The following GLT1D1 variants were observed in gnomAD, a reference collection of about 807,000 sequenced individuals.
GLT1D1 encodes glycosyltransferase 1 domain-containing protein 1.
In GLT1D1, 21 loss-of-function variants were observed where a neutral mutation model predicts 28.7. That is an observed-to-expected ratio of 0.73 (90% CI 0.52 to 1.05). The LOEUF (loss-of-function observed/expected upper bound fraction) is 1.05, where lower values mean the gene tolerates loss of function less well. Ranked by LOEUF, GLT1D1 falls within the 50% of genes least tolerant of loss-of-function variation. The pLI, the probability that GLT1D1 is intolerant of heterozygous loss-of-function variation, is 0.00. For synonymous variants in GLT1D1, 147 were observed against 124.8 expected (o/e 1.18, Z -1.19); for missense variants, 343 against 330.6 (o/e 1.04, Z -0.29).
At chr12:128,929,403 T>G (rs987449006) in intron 4 of GLT1D1, among the ~76,000 whole-genome samples, 2 of 152,180 alleles carry the variant, frequency 1.3e-5, no homozygotes, top group African/African-American at 4.8e-5. Flanking sequence ...CCAGATGGGG[T>G]GTACCATTGG....
At chr12:128,920,967 T>C (rs138160152) in intron 4 of GLT1D1, among the ~76,000 whole-genome samples, 13 of 152,360 alleles carry the variant, frequency 8.5e-5, no homozygotes, top group Non-Finnish European at 1.5e-4. Flanking sequence ...CCTTATTTAA[T>C]AGTTCTTTGT....
At chr12:128,870,570 C>T (rs1426050367) in intron 1 of GLT1D1, among the ~76,000 whole-genome samples, 3 of 152,034 alleles carry the variant, frequency 2.0e-5, no homozygotes, top group Non-Finnish European at 4.4e-5. Context: ...GAACATAGAT[C>T]GATTTAAAGG....
At chr12:128,899,048 A>G (rs973742582) in intron 3 of GLT1D1, among the ~76,000 whole-genome samples, 188 bp from the exon 4 acceptor site, 5 of 152,248 alleles carry the variant, frequency 3.3e-5, no homozygotes, top group Admixed American at 1.3e-4. Context: ...CTTCTTGCAT[A>G]TAAAACTTTT....
rs1880609158 is a variant in GLT1D1, at chr12:128,984,519, A to G, written c.*1429A>G. On this transcript the variant is annotated 3_prime_UTR_variant, in exon 8 of 8. Transcript: ENST00000281703. ...CTTTCCAGAAAGGCAGTTAACTGGA[A>G]GCAGCAGAGGCTCCCAGCCGTGAGA... 1 of 152,254 alleles carries G rather than the reference A, an allele frequency of 6.6e-6. No homozygotes were observed. Among genetic ancestry groups the G allele is most frequent in the Non-Finnish European group, 1.5e-5 (1 of 68,040 alleles). 9.4% of individuals were successfully genotyped at this position (152,254 alleles called of 1,614,324 possible).
At chr12:128,911,101 TG>T (rs749495070) in intron 4 of GLT1D1, among the ~76,000 whole-genome samples, 26 of 152,202 alleles carry the variant, frequency 1.7e-4, no homozygotes, top group Non-Finnish European at 3.5e-4. Context: ...GGCTAATTTT[TG>T]TATTTTTAGT....
intron 1 of GLT1D1, among the ~76,000 whole-genome samples, chr12:128,863,169 G>A (rs1441048535): frequency 2.0e-5 from 3 of 152,102 alleles, no homozygotes; most frequent in Non-Finnish European, 2.9e-5. Flanking sequence ...GGTTCAACAA[G>A]GTACGGACAG....
In GLT1D1 at chr12:128,970,214, C is replaced by T. The variant is rs575932304; in HGVS notation, c.639+12571C>T. Among the ~76,000 whole-genome samples, 3 of 152,274 alleles carry T rather than the reference C, an allele frequency of 2.0e-5. No homozygotes were observed. In the East Asian group the frequency reaches 5.8e-4, roughly 30 times the overall value. ...GGCTGCAGCCTTAGGGGTAATGCTG[C>T]AGGGGAAGGCCTGCTTGGAGCCTCA... is the stretch of plus-strand genomic sequence containing the variant. On this transcript the variant is annotated intron_variant, in intron 7 of 7. Coordinates refer to ENST00000281703, the MANE Select transcript of GLT1D1 (RefSeq NM_144669.3).
intron 3 of GLT1D1, among the ~76,000 whole-genome samples, chr12:128,895,310 T>G (rs1869498770): frequency 6.6e-6 from 1 of 152,148 alleles, no homozygotes; most frequent in African/African-American, 2.4e-5. Context: ...GTATTTTTAT[T>G]TCATCACTAG....
intron 4 of GLT1D1, among the ~76,000 whole-genome samples, chr12:128,918,822 A>T (rs531565584): frequency 1.3e-5 from 2 of 152,366 alleles, no homozygotes; most frequent in African/African-American, 2.4e-5. Context: ...ATGATTTGTC[A>T]TCACATTCCA....
intron 6 of GLT1D1, among the ~76,000 whole-genome samples, chr12:128,952,444 T>TG (rs1385732205): frequency 6.7e-5 from 1 of 14,890 alleles, no homozygotes; most frequent in African/African-American, 2.3e-4. Flanking sequence ...TGGGGGGGGG[T>TG]GGGGCTGAAA....
chr12:128,887,782 T>C (rs1315318777), intron 2 of GLT1D1, among the ~76,000 whole-genome samples: 1 of 152,208 alleles, frequency 6.6e-6, no homozygotes, highest in East Asian at 1.9e-4. Flanking sequence ...TTTAAATATC[T>C]TGATAGAAAT....
intron 6 of GLT1D1, among the ~76,000 whole-genome samples, chr12:128,952,712 T>C (rs1338475419): frequency 6.8e-6 from 1 of 146,190 alleles, no homozygotes; most frequent in Admixed American, 7.0e-5. Flanking sequence ...CGACTTCAGG[T>C]GAGCCGCCTG....
At chr12:128,911,896 T>C (rs71464421) in intron 4 of GLT1D1, among the ~76,000 whole-genome samples, 1 of 152,084 alleles carries the variant, frequency 6.6e-6, no homozygotes, top group African/African-American at 2.4e-5. Context: ...CTCCCTTGCC[T>C]GGAAGGATCT....
intron 1 of GLT1D1, among the ~76,000 whole-genome samples, 198 bp downstream of exon 1, chr12:128,853,847 C>T (rs1221956234): frequency 1.3e-5 from 2 of 152,118 alleles, no homozygotes. Flanking sequence ...GCGCGCGTGT[C>T]CCCGGGTCTC....
chr12:128,856,388 T>C (rs1956224715), intron 1 of GLT1D1, among the ~76,000 whole-genome samples: 1 of 152,128 alleles, frequency 6.6e-6, no homozygotes. Context: ...TTAACCTCAT[T>C]TTACCCAGCC....
chr12:128,979,074 A>G lies in GLT1D1; in HGVS notation c.640-3855A>G, dbSNP rs1201563611. Among the ~76,000 whole-genome samples the G allele has an allele frequency of 7.2e-5, 11 of 152,212 alleles. No homozygotes were observed. In the East Asian group the frequency reaches 2.1e-3, roughly 29 times the overall value. On this transcript the variant is annotated intron_variant, in intron 7 of 7. Coordinates refer to ENST00000281703, the MANE Select transcript of GLT1D1 (RefSeq NM_144669.3). ...GAATGCCTTAGCCTCCTGGGAATGC[A>G]GCCCAGCAGGTCTCAGCCTCAGTTT...
chr12:128,925,794 T>C (rs1169276718), intron 4 of GLT1D1, among the ~76,000 whole-genome samples: 1 of 152,232 alleles, frequency 6.6e-6, no homozygotes, highest in East Asian at 1.9e-4. Flanking sequence ...CCCCCGTGCC[T>C]CATCCTTTTT....
chr12:128,899,200 G>C, intron 3 of GLT1D1, 36 bp from the exon 4 acceptor site: 2 of 1,507,912 alleles, frequency 1.3e-6, no homozygotes, highest in Non-Finnish European at 1.8e-6. Context: ...TTGAATTCTG[G>C]CCTAATTGTT....
intron 7 of GLT1D1, among the ~76,000 whole-genome samples, chr12:128,975,532 C>G (rs539283819): frequency 1.3e-5 from 2 of 152,246 alleles, no homozygotes; most frequent in East Asian, 3.9e-4. Context: ...CTCACTGCAA[C>G]CTCCAGGTCC....
Sources: gnomAD v4.1 joint callset for allele counts (sites outside exome capture counted in the v4.1 genomes callset) on GRCh38, gnomAD v4.1.1 for gene constraint, MANE v1.5 for transcripts, NCBI Gene and HGNC (gene_info 2026-07-23, HGNC 2026-07-21) for gene names.